METTL15: variants seen among roughly 807,000 people sequenced by gnomAD.
METTL15 encodes the protein 12S rRNA N(4)-cytidine methyltransferase METTL15.
Under a neutral mutation model 38.3 loss-of-function variants are expected in METTL15, and 34 were observed. The ratio of observed to expected loss-of-function variants is 0.89; its 90% CI spans 0.68 to 1.18. METTL15 has a LOEUF of 1.18. Ranked by LOEUF, METTL15 falls within the 50% of genes most tolerant of loss-of-function variation. The pLI is 0.00. For synonymous variants in METTL15, 162 were observed against 170.9 expected (o/e 0.95, Z 0.41); for missense variants, 438 against 498.4 (o/e 0.88, Z 1.15).
chr11:28,486,132 A>G (rs1851437707), intron 6 of METTL15, among the ~76,000 whole-genome samples: 1 of 152,160 alleles, frequency 6.6e-6, no homozygotes, highest in African/African-American at 2.4e-5. Flanking sequence ...TAGTTGATAG[A>G]TGAGAAAGTT....
intron 6 of METTL15, among the ~76,000 whole-genome samples, chr11:28,458,602 A>T (rs992120624): frequency 2.0e-5 from 3 of 152,144 alleles, no homozygotes; most frequent in African/African-American, 7.2e-5. Flanking sequence ...GCTGTTTCTC[A>T]CCTGCCCAGG....
intron 4 of METTL15, among the ~76,000 whole-genome samples, chr11:28,354,903 A>G (rs1312533261): frequency 1.3e-5 from 2 of 152,204 alleles, no homozygotes; most frequent in African/African-American, 4.8e-5. Context: ...GGAACTAGAA[A>G]TGGGTGGGAT....
intron 3 of METTL15, among the ~76,000 whole-genome samples, chr11:28,187,686 T>C (rs1465263359): frequency 6.6e-6 from 1 of 151,012 alleles, no homozygotes. Flanking sequence ...TTATGTTTGC[T>C]CCTGTATAGA....
chr11:28,186,014 T>C (rs1392465232), intron 3 of METTL15, among the ~76,000 whole-genome samples: 31 of 151,026 alleles, frequency 2.1e-4, no homozygotes, highest in Admixed American at 2.0e-3. Context: ...AAGTTTTAGA[T>C]GCATAGTAGA....
intron 5 of METTL15, among the ~76,000 whole-genome samples, chr11:28,372,937 A>G (rs1382889066): frequency 6.6e-6 from 1 of 150,830 alleles, no homozygotes; most frequent in Non-Finnish European, 1.5e-5. Context: ...TGTCCCTACA[A>G]AGGACATGAA....
intron 5 of METTL15, 38 bp downstream of exon 5, chr11:28,290,435 A>G (rs1249507370): frequency 1.3e-5 from 21 of 1,559,352 alleles, no homozygotes; most frequent in Non-Finnish European, 1.7e-5. Context: ...ACAACAAGAA[A>G]TCAATTTGTC....
intron 6 of METTL15, among the ~76,000 whole-genome samples, chr11:28,519,642 T>TA (rs1284805415): frequency 2.0e-5 from 3 of 152,052 alleles, no homozygotes; most frequent in Non-Finnish European, 2.9e-5. Context: ...ACTGAAGACA[T>TA]ACTGGGAAGT....
Position 28,348,452 on chromosome 11 carries a change from CA to C in METTL15, c.*190-3637del, listed in dbSNP as rs547805477. On this transcript the variant is annotated intron_variant and NMD_transcript_variant, in intron 3 of 7. Transcript: ENST00000532947. ...GTGCAATCATGGCTTATTGCAGCCT[CA>C]GCCTCCTGGACTCAAGCAATCTTCT... 8.9e-4 allele frequency among the ~76,000 whole-genome samples: 136 copies of C among 152,316 alleles called. 1 individual carries two copies. The highest frequency in any genetic ancestry group is 3.2e-3 in the African/African-American group (135 of 41,566).
chr11:28,277,209 A>G (rs1394360303), intron 4 of METTL15, among the ~76,000 whole-genome samples: 1 of 152,174 alleles, frequency 6.6e-6, no homozygotes, highest in Non-Finnish European at 1.5e-5. Flanking sequence ...TTACCACTCA[A>G]TCCAGCAATA....
intron 4 of METTL15, among the ~76,000 whole-genome samples, chr11:28,218,525 G>T (rs781112844): frequency 1.3e-5 from 2 of 152,022 alleles, no homozygotes; most frequent in Admixed American, 6.6e-5. Context: ...TTGACTTCCT[G>T]TTTTCCTAAT....
chr11:28,496,705 A>G (rs1400265781), intron 6 of METTL15, among the ~76,000 whole-genome samples: 1 of 152,128 alleles, frequency 6.6e-6, no homozygotes, highest in Non-Finnish European at 1.5e-5. Context: ...AATAGACTCT[A>G]TGTGTGCCAG....
At chr11:28,272,200 C>T (rs926358122) in intron 4 of METTL15, among the ~76,000 whole-genome samples, 5 of 152,116 alleles carry the variant, frequency 3.3e-5, no homozygotes, top group African/African-American at 7.2e-5. Context: ...CCATTTGACC[C>T]AGCAATCCCA....
intron 6 of METTL15, among the ~76,000 whole-genome samples, chr11:28,484,651 A>C (rs148762415): frequency 6.4e-4 from 98 of 152,114 alleles, no homozygotes; most frequent in Non-Finnish European, 1.2e-3. Flanking sequence ...CCTTGGTTTC[A>C]AAACATCCTA....
chr11:28,393,683 C>G (rs780288232), intron 5 of METTL15, among the ~76,000 whole-genome samples: 3 of 152,026 alleles, frequency 2.0e-5, no homozygotes, highest in Non-Finnish European at 4.4e-5. Context: ...GAGACCAAGG[C>G]AGAAGCCATA....
intron 5 of METTL15, among the ~76,000 whole-genome samples, chr11:28,383,043 G>A (rs1456266839): frequency 6.6e-6 from 1 of 151,432 alleles, no homozygotes; most frequent in Non-Finnish European, 1.5e-5. Context: ...ATGGGGGTTT[G>A]GTGTACAGAT....
intron 5 of METTL15, among the ~76,000 whole-genome samples, chr11:28,408,970 A>G (rs1850700280): frequency 6.6e-6 from 1 of 152,218 alleles, no homozygotes; most frequent in South Asian, 2.1e-4. Flanking sequence ...AAATGGGCCT[A>G]ACAAACATAT....
intron 3 of METTL15, among the ~76,000 whole-genome samples, chr11:28,181,718 CGT>C (rs201666958): frequency 0.62 from 93,915 of 151,668 alleles, 30,728 homozygotes; most frequent in Admixed American, 0.75. Flanking sequence ...AATAAACATA[CGT>C]GTGTGCATGT....
At chr11:28,236,109 T>C in intron 4 of METTL15, among the ~76,000 whole-genome samples, 1 of 152,200 alleles carries the variant, frequency 6.6e-6, no homozygotes, top group Non-Finnish European at 1.5e-5. Context: ...TGGATTACAT[T>C]TATTGATTTG....
At chr11:28,221,152 C>G (rs7126126) in intron 4 of METTL15, among the ~76,000 whole-genome samples, 57,238 of 151,976 alleles carry the variant, frequency 0.38, 12,317 homozygotes, top group African/African-American at 0.59. Flanking sequence ...ATCCTGCAGA[C>G]TGTTTTCCAA....
Sources: gnomAD v4.1 joint callset for allele counts (sites outside exome capture counted in the v4.1 genomes callset) on GRCh38, gnomAD v4.1.1 for gene constraint, MANE v1.5 for transcripts, NCBI Gene and HGNC (gene_info 2026-07-23, HGNC 2026-07-21) for gene names.